CWF19L2: variants seen among roughly 807,000 people sequenced by gnomAD.
CWF19L2 encodes CWF19-like protein 2.
Under a neutral mutation model 111.7 loss-of-function variants are expected in CWF19L2, and 98 were observed. The ratio of observed to expected loss-of-function variants is 0.88; its 90% CI spans 0.75 to 1.04. The LOEUF (loss-of-function observed/expected upper bound fraction) is 1.04, where lower values mean the gene tolerates loss of function less well. Among genes scored for constraint, CWF19L2 ranks in the 50% least tolerant of loss-of-function variants. The pLI, the probability that CWF19L2 is intolerant of heterozygous loss-of-function variation, is 0.00. For synonymous variants in CWF19L2, 351 were observed against 342.9 expected, an observed-to-expected ratio of 1.02 and a Z score of -0.26; for missense variants, 1,101 against 1,051.4, an observed-to-expected ratio of 1.05 and a Z score of -0.65.
intron 12 of CWF19L2, among the ~76,000 whole-genome samples, chr11:107,361,720 A>C (rs893554773): frequency 3.3e-5 from 5 of 152,058 alleles, no homozygotes; most frequent in Non-Finnish European, 5.9e-5. Context: ...CCTAGGTATT[A>C]TTTTTTATAG....
chr11:107,375,848 G>T (rs1349955373), intron 12 of CWF19L2, among the ~76,000 whole-genome samples: 1 of 45,362 alleles, frequency 2.2e-5, no homozygotes, highest in Non-Finnish European at 4.2e-5. Context: ...TTTTTTGAAA[G>T]GATCAACAAA....
At chr11:107,355,765 AAC>A (rs1860228764) in intron 12 of CWF19L2, among the ~76,000 whole-genome samples, 1 of 152,242 alleles carries the variant, frequency 6.6e-6, no homozygotes. Context: ...CTGCCAAAGA[AAC>A]AGACAAATCC....
rs60957044 is a variant in CWF19L2, at chr11:107,329,955, A to G, written c.2504T>C (p.Ile835Thr). The part of the protein sequence containing the change: ...FGLHGGFAHV[I>T]EDQHKFPHYF... Reference sequence around the variant, plus strand: ...ATGAGGGAATTTGTGCTGATCTTCAATGACATGGGCAAACCCTCCGTGAAG... The same window carrying G: ...ATGAGGGAATTTGTGCTGATCTTCAGTGACATGGGCAAACCCTCCGTGAAG... The change falls in exon 17 of 18, where the codon ATT becomes ACT. Residue 835 changes from isoleucine to threonine, a missense_variant. Physicochemically the swap from Ile to Thr is moderately conservative, Grantham distance 89 (BLOSUM62 -1). Coordinates refer to ENST00000282251, the MANE Select transcript of CWF19L2 (RefSeq NM_152434.3). 849 of 1,593,508 alleles carry G rather than the reference A, an allele frequency of 5.3e-4. 2 individuals carry two copies. The highest frequency in any genetic ancestry group is 4.7e-3 in the African/African-American group (354 of 74,608).
intron 8 of CWF19L2, among the ~76,000 whole-genome samples, chr11:107,424,812 C>T (rs1861351535): frequency 6.6e-6 from 1 of 151,818 alleles, no homozygotes. Context: ...GTAATTTCAA[C>T]ATTAAGTTAC....
rs1364563872 is a variant in CWF19L2, at chr11:107,428,856, A to C, written c.1376T>G (p.Leu459Trp). Reference protein sequence around the residue: ...DPREKSQDEVLRDDPPKKEHL... With the variant: ...DPREKSQDEVWRDDPPKKEHL... ...TTCTTTTTTTGGAGGGTCATCTCTCAAGACTTCATCTTGTGATTTTTCTCT... is the reference window on the plus strand; with the variant it reads ...TTCTTTTTTTGGAGGGTCATCTCTCCAGACTTCATCTTGTGATTTTTCTCT... The change falls in exon 8 of 18, where the codon TTG (leucine) becomes TGG (tryptophan). Residue 459 changes from leucine (L) to tryptophan (W), a missense_variant. By Grantham distance (61) the Leu-to-Trp change is moderately conservative. Transcript: ENST00000282251. 6.2e-7 allele frequency: 1 copy of C among 1,613,574 alleles called. No individual in the cohort carries two copies. Among genetic ancestry groups the C allele is most frequent in the South Asian group, 1.1e-5 (1 of 91,048 alleles).
intron 10 of CWF19L2, among the ~76,000 whole-genome samples, chr11:107,406,684 CTT>C (rs548040686): frequency 4.3e-5 from 6 of 140,496 alleles, no homozygotes; most frequent in East Asian, 2.0e-4. Context: ...TTGTGTTTTC[CTT>C]TTTTTTTTTT....
chr11:107,334,791 C>G, intron 16 of CWF19L2, 90 bp downstream of exon 16: 2 of 839,166 alleles, frequency 2.4e-6, no homozygotes. Context: ...GTCACTCAAC[C>G]AAATGGTCCC....
intron 12 of CWF19L2, among the ~76,000 whole-genome samples, chr11:107,358,926 G>A (rs140006335): frequency 6.6e-6 from 1 of 152,150 alleles, no homozygotes; most frequent in African/African-American, 2.4e-5. Flanking sequence ...AACACAATTA[G>A]AGAATTGATG....
intron 3 of CWF19L2, among the ~76,000 whole-genome samples, chr11:107,453,434 G>C (rs138156045): frequency 2.6e-5 from 4 of 152,154 alleles, no homozygotes; most frequent in East Asian, 1.9e-4. Context: ...GGAGAGGAGA[G>C]AGAAGAGTAA....
intron 13 of CWF19L2, 40 bp from the exon 14 acceptor site, chr11:107,349,093 TTTATATG>T (rs774693721): frequency 5.8e-6 from 6 of 1,038,468 alleles, no homozygotes; most frequent in African/African-American, 1.6e-5. Context: ...GTTATTGTTA[TTTATATG>T]TTATATATTT....
intron 12 of CWF19L2, among the ~76,000 whole-genome samples, chr11:107,373,693 A>G (rs1158137079): frequency 7.5e-6 from 1 of 132,694 alleles, no homozygotes; most frequent in Non-Finnish European, 1.6e-5. Flanking sequence ...AAAAACTGGA[A>G]ACTCTAAAAA....
In CWF19L2 at chr11:107,336,648, A is replaced by C; in HGVS notation, c.2268T>G (p.Thr756=). Residue 756 remains threonine (T), a synonymous_variant, in exon 15 of 18, where the codon ACT becomes ACG. Transcript: ENST00000282251. ...DKGLDCIFLE[T]NMSMKKQYHM... is the part of the protein sequence containing the mutation. Reference sequence around the variant, plus strand: ...GATACTGTTTCTTCATGCTCATATTAGTTTCCAAAAAAATGCAGTCTAATC... The same window carrying C: ...GATACTGTTTCTTCATGCTCATATTCGTTTCCAAAAAAATGCAGTCTAATC... 1 of 1,596,988 alleles carries C rather than the reference A, an allele frequency of 6.3e-7. No individual in the cohort carries two copies. Among genetic ancestry groups the C allele is most frequent in the Non-Finnish European group, 8.6e-7 (1 of 1,169,280 alleles).
rs978030858 is a variant in CWF19L2, at chr11:107,454,097, G to A, written c.339+353C>T. 5.3e-5 allele frequency among the ~76,000 whole-genome samples: 8 copies of A among 152,342 alleles called. No individual in the cohort carries two copies. The South Asian group carries it at 8.3e-4, about 16-fold the overall frequency. On this transcript the variant is annotated intron_variant, in intron 3 of 17. Coordinates refer to ENST00000282251, the MANE Select transcript of CWF19L2 (RefSeq NM_152434.3). ...CTGGGGGAACTTGCCACCCTGAAGG[G>A]AAAGACGCAGGCCTGGCTGGCTTCA...
rs1390909432 is a variant in CWF19L2, at chr11:107,330,318, T to C, written c.2440-299A>G. 2.0e-5 allele frequency among the ~76,000 whole-genome samples: 3 copies of C among 152,226 alleles called. No individual in the cohort carries two copies. The East Asian group carries it at 5.8e-4, about 29-fold the overall frequency. ...GAAATTATACTTTTAAAAATACAAA[T>C]GCAAAGAATAATTTCCCTTAGACTA... On this transcript the variant is annotated intron_variant, in intron 16 of 17. Coordinates refer to ENST00000282251, the MANE Select transcript of CWF19L2 (RefSeq NM_152434.3).
At chr11:107,383,794 G>T (rs1223442739) in intron 12 of CWF19L2, among the ~76,000 whole-genome samples, 1 of 152,088 alleles carries the variant, frequency 6.6e-6, no homozygotes, top group Non-Finnish European at 1.5e-5. Flanking sequence ...CACATCAACA[G>T]CAAAAGGCAA....
At chr11:107,445,391 G>A (rs528372709) in intron 3 of CWF19L2, among the ~76,000 whole-genome samples, 1 of 152,060 alleles carries the variant, frequency 6.6e-6, no homozygotes, top group African/African-American at 2.4e-5. Flanking sequence ...GGATCATGAG[G>A]TCAGGAGTTC....
chr11:107,451,931 T>C (rs982770837), intron 3 of CWF19L2, among the ~76,000 whole-genome samples: 2 of 152,208 alleles, frequency 1.3e-5, no homozygotes, highest in African/African-American at 2.4e-5. Context: ...GTCATTTCCT[T>C]AATCTGAAAA....
chr11:107,357,328 G>A (rs577241983), intron 12 of CWF19L2, among the ~76,000 whole-genome samples: 4 of 152,272 alleles, frequency 2.6e-5, no homozygotes, highest in African/African-American at 9.6e-5. Context: ...TCAAGTTAAG[G>A]TACTTAACAG....
At chr11:107,391,274 A>C (rs1430543052) in intron 11 of CWF19L2, among the ~76,000 whole-genome samples, 1 of 152,126 alleles carries the variant, frequency 6.6e-6, no homozygotes. Context: ...GGGAACCCTA[A>C]TACAGTACCT....
Sources: gnomAD v4.1 joint callset for allele counts (sites outside exome capture counted in the v4.1 genomes callset) on GRCh38, gnomAD v4.1.1 for gene constraint, MANE v1.5 for transcripts, NCBI Gene and HGNC (gene_info 2026-07-23, HGNC 2026-07-21) for gene names.